The following NAV2 variants were observed in gnomAD, a reference collection of about 807,000 sequenced individuals.
NAV2 encodes the protein neuron navigator 2.
Under a neutral mutation model 223.2 loss-of-function variants are expected in NAV2, and 54 were observed. That is an observed-to-expected ratio of 0.24 (90% CI 0.19 to 0.30). The LOEUF is 0.30. Ranked by LOEUF, NAV2 falls within the 10% of genes least tolerant of loss-of-function variation. The pLI is 1.00. For missense variants in NAV2, 2,806 were observed against 3,147.5 expected (o/e 0.89, Z 2.60); for synonymous variants, 1,279 against 1,239.3 (o/e 1.03, Z -0.67).
intron 20 of NAV2, among the ~76,000 whole-genome samples, chr11:20,067,861 G>C (rs2059149788): frequency 1.3e-5 from 2 of 151,836 alleles, no homozygotes; most frequent in South Asian, 4.2e-4. Context: ...TACTAAATCT[G>C]ACTCATGGCC....
Position 19,897,886 on chromosome 11 carries a change from T to TTTTATATA in NAV2, c.931+5293_931+5294insTTATATAT, listed in dbSNP as rs144642336. Among the ~76,000 whole-genome samples, 25 of 120,662 alleles carry TTTTATATA rather than the reference T, an allele frequency of 2.1e-4. 3 individuals carry two copies. Among genetic ancestry groups the TTTTATATA allele is most frequent in the African/African-American group, 8.1e-4 (24 of 29,662 alleles). 79.2% of individuals were successfully genotyped at this position (120,662 alleles called of 152,430 possible). ...GCCACAGCTGTGCCTGACCTGTGAT[T>TTTTATATA]TATATATATATATATATATGTGAGC... On this transcript the variant is annotated intron_variant, in intron 6 of 37. Coordinates refer to ENST00000349880, the MANE Select transcript of NAV2 (RefSeq NM_145117.5).
intron 1 of NAV2, among the ~76,000 whole-genome samples, chr11:19,738,025 A>G (rs1442809200): frequency 6.6e-6 from 1 of 152,262 alleles, no homozygotes; most frequent in East Asian, 1.9e-4. Context: ...ATGTGAGTGT[A>G]TAATGTACAA....
intron 1 of NAV2, among the ~76,000 whole-genome samples, chr11:19,775,122 T>G (rs1476419078): frequency 6.6e-6 from 1 of 152,246 alleles, no homozygotes; most frequent in Non-Finnish European, 1.5e-5. Context: ...TTTTGCTCTC[T>G]TAGCCAATAA....
At chr11:19,800,557 C>G (rs1018710804) in intron 1 of NAV2, among the ~76,000 whole-genome samples, 3 of 152,178 alleles carry the variant, frequency 2.0e-5, no homozygotes, top group African/African-American at 4.8e-5. Context: ...CTCTGAAAAT[C>G]CAGGTTCTGA....
intron 36 of NAV2, among the ~76,000 whole-genome samples, chr11:20,112,073 G>A (rs1217032339): frequency 6.6e-6 from 1 of 152,170 alleles, no homozygotes; most frequent in African/African-American, 2.4e-5. Flanking sequence ...TCTGGCTTGG[G>A]AAATGCAGCC....
Position 19,419,976 on chromosome 11 carries a change from G to T in NAV2, c.75+68949G>T, listed in dbSNP as rs1051579259. The stretch of plus-strand genomic sequence containing the variant: ...CTGGGTCAGGGCTTTGTAAATAGCA[G>T]TGGCAGTTCTTTCCTAATGGCATTG... On this transcript the variant is annotated intron_variant, in intron 1 of 37. Transcript: ENST00000360655. Among the ~76,000 whole-genome samples the T allele has an allele frequency of 3.3e-5, 5 of 152,314 alleles. 1 individual carries two copies. The highest frequency in any genetic ancestry group is 4.1e-4 in the South Asian group (2 of 4,824).
Position 20,045,153 on chromosome 11 carries a change from G to C in NAV2, c.3385G>C (p.Ala1129Pro). The change falls in exon 14 of 38, where the codon GCC (alanine) becomes CCC (proline). Residue 1129 changes from alanine to proline, a missense_variant. Physicochemically the swap from Ala to Pro is conservative, Grantham distance 27 (BLOSUM62 -1). This residue lies in a region of NAV2 where 742 missense variants were observed against 777.9 expected (regional missense o/e 0.95). Transcript: ENST00000349880. ...SFGFKKQSGS[A>P]AGLAMITASG... ...TGGGTTCAAGAAGCAGAGTGGTTCC[G>C]CCGCCGGCCTGGCCATGATCACAGC... 6.2e-7 allele frequency: 1 copy of C among 1,614,080 alleles called. No individual in the cohort carries two copies. The highest frequency in any genetic ancestry group is 1.6e-4 in the Middle Eastern group (1 of 6,062).
chr11:19,935,857 T>TTTTTTTG (rs1249737959), intron 7 of NAV2, among the ~76,000 whole-genome samples: 19 of 96,246 alleles, frequency 2.0e-4, no homozygotes, highest in Non-Finnish European at 3.2e-4. Context: ...TTCTGTTTTT[T>TTTTTTTG]TTTTTTTTTT....
rs141355813 is a variant in NAV2 at position 19,422,578 on chromosome 11, G to A, written c.75+71551G>A. On this transcript the variant is annotated intron_variant, in intron 1 of 37. Transcript: ENST00000360655. ...GAAGCCGCCCATAAGGCCCTTCTGCGGCTGAGCATACAGGAGAGGCCTCTC... is the reference window on the plus strand; with the variant it reads ...GAAGCCGCCCATAAGGCCCTTCTGCAGCTGAGCATACAGGAGAGGCCTCTC... Among the ~76,000 whole-genome samples the A allele has an allele frequency of 6.5e-3, 893 of 136,896 alleles. 16 individuals carry two copies. Among genetic ancestry groups the A allele is most frequent in the Non-Finnish European group, 5.2e-3 (328 of 62,714 alleles). 89.8% of individuals were successfully genotyped at this position (136,896 alleles called of 152,430 possible). A position where few individuals can be genotyped will look rare whatever the true frequency, so the allele number is the denominator to read the frequency against.
chr11:19,626,056 A>AT (rs898753165), intron 1 of NAV2, among the ~76,000 whole-genome samples: 1 of 151,790 alleles, frequency 6.6e-6, no homozygotes, highest in African/African-American at 2.4e-5. Flanking sequence ...ATATTTGTTT[A>AT]TTTTTGCTTT....
chr11:19,671,247 T>G (rs1469565949), intron 1 of NAV2, among the ~76,000 whole-genome samples: 2 of 152,240 alleles, frequency 1.3e-5, no homozygotes, highest in African/African-American at 4.8e-5. Flanking sequence ...TTAAAAAACT[T>G]ATGACATTTA....
At chr11:19,952,398 T>G (rs2047472828) in intron 10 of NAV2, among the ~76,000 whole-genome samples, 1 of 152,248 alleles carries the variant, frequency 6.6e-6, no homozygotes. Flanking sequence ...GATTTCTGTT[T>G]GCAGTTGTAT....
upstream of NAV2, chr11:19,711,938 A>G (rs2049899237): frequency 2.6e-5 from 4 of 152,232 alleles, no homozygotes; most frequent in South Asian, 8.3e-4. Context: ...TTCTAATCCA[A>G]GCAGTTCTAC....
intron 1 of NAV2, among the ~76,000 whole-genome samples, chr11:19,707,507 C>A (rs1009752847): frequency 1.3e-5 from 2 of 152,132 alleles, no homozygotes; most frequent in Admixed American, 6.5e-5. Flanking sequence ...CACATATTGT[C>A]CCTCTGGAAG....
At chr11:19,533,334 T>C (rs1706167428) in intron 1 of NAV2, among the ~76,000 whole-genome samples, 1 of 151,980 alleles carries the variant, frequency 6.6e-6, no homozygotes, top group South Asian at 2.1e-4. Flanking sequence ...CAACTCCCCA[T>C]CCCCAGCTGA....
chr11:19,760,109 T>C (rs938846948), intron 1 of NAV2: 8 of 152,452 alleles, frequency 5.2e-5, no homozygotes, highest in African/African-American at 1.4e-4. Flanking sequence ...CCCAGTTAAG[T>C]GAGAGTTCCA....
intron 1 of NAV2, among the ~76,000 whole-genome samples, chr11:19,514,424 G>A (rs2043376524): frequency 6.6e-6 from 1 of 152,058 alleles, no homozygotes; most frequent in African/African-American, 2.4e-5. Context: ...CGACATTTTA[G>A]GTGAAAATAT....
At chr11:19,354,648 TC>T (rs1220178177) in intron 1 of NAV2, among the ~76,000 whole-genome samples, 1 of 152,234 alleles carries the variant, frequency 6.6e-6, no homozygotes, top group African/African-American at 2.4e-5. Flanking sequence ...AGTTTACAAA[TC>T]AATGAAGATG....
chr11:19,560,287 T>A (rs2045050507), intron 1 of NAV2, among the ~76,000 whole-genome samples: 1 of 152,196 alleles, frequency 6.6e-6, no homozygotes, highest in South Asian at 2.1e-4. Context: ...ATTCCCAGGT[T>A]ATCAGCTATT....
Sources: gnomAD v4.1 joint callset for allele counts (sites outside exome capture counted in the v4.1 genomes callset) on GRCh38, gnomAD v4.1.1 for gene constraint, gnomAD v4.1.1 regional missense constraint, MANE v1.5 for transcripts, NCBI Gene and HGNC (gene_info 2026-07-23, HGNC 2026-07-21) for gene names.